The following ZSCAN5A variants were observed in gnomAD, a reference collection of about 807,000 sequenced individuals.
ZSCAN5A encodes the protein zinc finger and SCAN domain-containing protein 5A.
ZSCAN5A carries 12 observed loss-of-function variants against 23.7 expected under a neutral mutation model. That is an observed-to-expected ratio of 0.51 (90% confidence interval 0.32 to 0.82). ZSCAN5A has a LOEUF of 0.82. Ranked by LOEUF, ZSCAN5A falls within the 40% of genes least tolerant of loss-of-function variation. ZSCAN5A has a pLI of 0.03. For missense variants in ZSCAN5A, 597 were observed against 617.9 expected (o/e 0.97, Z 0.36); for synonymous variants, 257 against 239.9 (o/e 1.07, Z -0.66).
At chr19:56,326,618 T>C (rs187027033) in intron 2 of ZSCAN5A, among the ~76,000 whole-genome samples, 17 of 152,228 alleles carry the variant, frequency 1.1e-4, no homozygotes, top group Admixed American at 9.2e-4. Flanking sequence ...CTTCCCATAG[T>C]GTACCGCTGG....
At chr19:56,353,610 C>G (rs1253682006) in intron 2 of ZSCAN5A, among the ~76,000 whole-genome samples, 1 of 151,602 alleles carries the variant, frequency 6.6e-6, no homozygotes, top group Non-Finnish European at 1.5e-5. Flanking sequence ...AACCCCGTCT[C>G]TACTAAAAAA....
intron 2 of ZSCAN5A, among the ~76,000 whole-genome samples, chr19:56,249,666 G>A (rs1600093876): frequency 6.6e-6 from 1 of 152,236 alleles, no homozygotes; most frequent in South Asian, 2.1e-4. Flanking sequence ...TCTTTAATAC[G>A]GCACATTTGC....
At chr19:56,353,224 A>AG (rs1370284334) in intron 2 of ZSCAN5A, among the ~76,000 whole-genome samples, 7 of 152,210 alleles carry the variant, frequency 4.6e-5, no homozygotes, top group African/African-American at 7.2e-5. Flanking sequence ...AAGCACATAC[A>AG]GGGAAGCTGG....
At chr19:56,231,293 T>C in intron 2 of ZSCAN5A, among the ~76,000 whole-genome samples, 1 of 152,188 alleles carries the variant, frequency 6.6e-6, no homozygotes, top group Non-Finnish European at 1.5e-5. Flanking sequence ...AATTATTAGA[T>C]TTAGCATTGC....
chr19:56,300,713 T>C (rs1421616695), intron 2 of ZSCAN5A, among the ~76,000 whole-genome samples: 1 of 152,192 alleles, frequency 6.6e-6, no homozygotes, highest in Non-Finnish European at 1.5e-5. Context: ...GAGAATTCAT[T>C]TTTTTTCGTT....
chr19:56,348,689 C>T (rs368059189), intron 2 of ZSCAN5A, among the ~76,000 whole-genome samples: 10 of 152,184 alleles, frequency 6.6e-5, no homozygotes, highest in African/African-American at 2.4e-4. Context: ...CATTTTCTTA[C>T]CACTAATGGA....
In ZSCAN5A at chr19:56,224,656, C is replaced by A. The variant is rs745367017; in HGVS notation, c.384+7G>T. On this transcript the variant is annotated splice_region_variant and intron_variant, in intron 3 of 5. Transcript: ENST00000683990. ...TTCCCTGCACCAATCACGAGGGTCC[C>A]ACTCACCCATTTCTTGGGTCTTCTG... The A allele has an allele frequency of 1.3e-6, 2 of 1,556,078 alleles. No individual in the cohort carries two copies. Among genetic ancestry groups the A allele is most frequent in the Non-Finnish European group, 1.7e-6 (2 of 1,149,758 alleles).
intron 2 of ZSCAN5A, among the ~76,000 whole-genome samples, chr19:56,262,201 T>C (rs7248095): frequency 0.079 from 11,988 of 152,076 alleles, 1,622 homozygotes; most frequent in African/African-American, 0.27. Context: ...TATTTTTTAG[T>C]AGAGACAAGG....
intron 2 of ZSCAN5A, among the ~76,000 whole-genome samples, chr19:56,359,797 C>T (rs548191078): frequency 4.6e-4 from 70 of 152,260 alleles, no homozygotes; most frequent in African/African-American, 1.5e-3. Context: ...AAACATAATT[C>T]ATCACATAAA....
At chr19:56,229,764 T>TC (rs1398229723) in intron 2 of ZSCAN5A, among the ~76,000 whole-genome samples, 1 of 152,208 alleles carries the variant, frequency 6.6e-6, no homozygotes, top group Non-Finnish European at 1.5e-5. Flanking sequence ...TTGTTTTTTT[T>TC]CATTAGCACT....
chr19:56,282,492 G>C, intron 2 of ZSCAN5A: 1 of 985,348 alleles, frequency 1.0e-6, no homozygotes, highest in Non-Finnish European at 1.2e-6. Context: ...TGCCAACAGT[G>C]CTGAAAGGTA....
intron 2 of ZSCAN5A, among the ~76,000 whole-genome samples, chr19:56,302,528 C>CCTCGT: frequency 1.2e-5 from 1 of 86,644 alleles, no homozygotes; most frequent in Non-Finnish European, 2.9e-5. Context: ...CTCCCTCCCT[C>CCTCGT]CCTCTTCTTC....
intron 2 of ZSCAN5A, chr19:56,228,315 C>A: frequency 1.0e-6 from 1 of 985,408 alleles, no homozygotes; most frequent in Non-Finnish European, 1.2e-6. Flanking sequence ...CGGCCTGGAG[C>A]TGAACTGCGT....
intron 2 of ZSCAN5A, among the ~76,000 whole-genome samples, chr19:56,332,838 G>T (rs2041501650): frequency 6.6e-6 from 1 of 152,174 alleles, no homozygotes; most frequent in South Asian, 2.1e-4. Flanking sequence ...AGGATTTCTT[G>T]TAAGGCTGGT....
intron 2 of ZSCAN5A, among the ~76,000 whole-genome samples, chr19:56,311,434 G>A (rs1313525097): frequency 6.6e-6 from 1 of 152,122 alleles, no homozygotes; most frequent in African/African-American, 2.4e-5. Flanking sequence ...AAAAGGTTTA[G>A]AATAAATGCA....
intron 2 of ZSCAN5A, among the ~76,000 whole-genome samples, chr19:56,267,646 G>C (rs979252607): frequency 2.6e-5 from 4 of 152,160 alleles, no homozygotes; most frequent in Non-Finnish European, 5.9e-5. Context: ...GGCTGGTTTA[G>C]AGCATTCACT....
At chr19:56,301,265 C>T (rs1478258078) in intron 2 of ZSCAN5A, among the ~76,000 whole-genome samples, 1 of 152,158 alleles carries the variant, frequency 6.6e-6, no homozygotes, top group Non-Finnish European at 1.5e-5. Context: ...ATATGATAAA[C>T]AAGGGGTGGA....
chr19:56,291,437 G>C (rs900586048), intron 2 of ZSCAN5A, among the ~76,000 whole-genome samples: 4 of 152,196 alleles, frequency 2.6e-5, no homozygotes, highest in African/African-American at 9.7e-5. Flanking sequence ...CCAGCCTATC[G>C]CATTAATCTG....
intron 2 of ZSCAN5A, among the ~76,000 whole-genome samples, chr19:56,325,090 G>A (rs2041420371): frequency 6.6e-6 from 1 of 152,192 alleles, no homozygotes; most frequent in Admixed American, 6.5e-5. Flanking sequence ...TTGCTTCCCA[G>A]CCTGGTGGTG....
Sources: allele counts gnomAD v4.1 joint callset (sites outside exome capture counted in the v4.1 genomes callset), GRCh38; gene constraint gnomAD v4.1.1; transcripts MANE v1.5; gene names NCBI Gene and HGNC (gene_info 2026-07-23, HGNC 2026-07-21).